POMC: variants seen among roughly 807,000 people sequenced by gnomAD.
The protein encoded by POMC is proopiomelanocortin.
In POMC, 19 loss-of-function variants were observed where a neutral mutation model predicts 18.5. That is an observed-to-expected ratio of 1.03 (90% CI 0.72 to 1.51). POMC has a LOEUF of 1.51. POMC is among the 40% of genes most tolerant of loss of function. POMC has a pLI of 0.00. For synonymous variants in POMC, 179 were observed against 161.9 expected (o/e 1.11, Z -0.80); for missense variants, 451 against 379.0 (o/e 1.19, Z -1.58).
rs1208606981 is a variant in POMC, at chr2:25,164,741, G to T, written c.32C>A (p.Ala11Asp). 1 of 1,613,984 alleles carries T rather than the reference G, an allele frequency of 6.2e-7. No homozygotes were observed. Among genetic ancestry groups the T allele is most frequent in the Non-Finnish European group, 8.5e-7 (1 of 1,180,038 alleles). Residue 11 changes from alanine to aspartate, a missense_variant, in exon 2 of 3, where the codon GCC becomes GAC. Physicochemically the swap from Ala to Asp is moderately radical, Grantham distance 126. Transcript: ENST00000395826. ...CTGAAGCAGCAAGGCCAGCAACAGG[G>T]CCCCCGAGCGGCTGCAGCACGATCT... The part of the protein sequence containing the change: MPRSCCSRSG[A>D]LLLALLLQAS...
Position 25,161,227 on chromosome 2 carries a change from G to C in POMC, c.658C>G (p.Pro220Ala). 1 of 1,611,750 alleles carries C rather than the reference G, an allele frequency of 6.2e-7. No individual in the cohort carries two copies. The change falls in exon 3 of 3, where the codon CCC becomes GCC. Residue 220 changes from proline to alanine, a missense_variant. Transcript: ENST00000395826. The surrounding 1 kb of genome is among the most constrained non-coding windows in gnomAD (Gnocchi z 5.7). ...CAGCGGAAGTGCTCCATCCTGTAGG[G>C]GCCCTCGTCCTTCTTCTCGGCCGCC... is the stretch of plus-strand genomic sequence containing the variant. ...LVAAEKKDEG[P>A]YRMEHFRWGS...
intron 2 of POMC, among the ~76,000 whole-genome samples, chr2:25,163,791 C>G (rs1322330966): frequency 6.6e-6 from 1 of 152,124 alleles, no homozygotes; most frequent in Non-Finnish European, 1.5e-5. Context: ...ATCTGGCTAA[C>G]TTTTTTATTT....
At position 25,160,970 on chromosome 2, in the gene POMC, G is replaced by T; in HGVS notation, c.*111C>A. 6.5e-7 allele frequency: 1 copy of T among 1,536,900 alleles called. No homozygotes were observed. The stretch of plus-strand genomic sequence containing the variant: ...TAACTACAGGCAGCTTTAAGAGGCT[G>T]ATTATCTGCCACGACCCCCCAGGCT... On this transcript the variant is annotated 3_prime_UTR_variant, in exon 3 of 3. Transcript: ENST00000395826.
intron 1 of POMC, among the ~76,000 whole-genome samples, chr2:25,167,956 C>A (rs1671612295): frequency 6.6e-6 from 1 of 152,096 alleles, no homozygotes; most frequent in Admixed American, 6.5e-5. Context: ...GAGTTTGAGA[C>A]CAGCCTGACC....
At chr2:25,165,922 T>C (rs184500955) in intron 1 of POMC, among the ~76,000 whole-genome samples, 85 of 152,356 alleles carry the variant, frequency 5.6e-4, no homozygotes, top group African/African-American at 1.9e-3. Flanking sequence ...AGAAATGTAA[T>C]TAGATGAGAA....
At chr2:25,164,846 G>T (rs546413064) in intron 1 of POMC, 54 bp from the exon 2 acceptor site, 158 of 1,596,988 alleles carry the variant, frequency 9.9e-5, no homozygotes, top group Non-Finnish European at 1.3e-4. Context: ...AACAATGTTG[G>T]CCACTCACCA....
At position 25,168,038 on chromosome 2, in the gene POMC, C is replaced by T. The variant is rs1031332872; in HGVS notation, c.-21+460G>A. On this transcript the variant is annotated intron_variant, in intron 1 of 2. Coordinates refer to ENST00000395826, the MANE Select transcript of POMC (RefSeq NM_000939.4). This position sits in a 1 kb window ranked among gnomAD's most constrained non-coding sequence, Gnocchi z 5.2. The stretch of plus-strand genomic sequence containing the variant: ...GCGTGGTGGCGCATGCCTGTAATCC[C>T]AGCTACTCGGGAGGCTGAAGCAGGA... 6.6e-6 allele frequency among the ~76,000 whole-genome samples: 1 copy of T among 152,114 alleles called. No individual in the cohort carries two copies. Among genetic ancestry groups the T allele is most frequent in the African/African-American group, 2.4e-5 (1 of 41,422 alleles).
At chr2:25,166,044 C>A (rs773224914) in intron 1 of POMC, among the ~76,000 whole-genome samples, 8 of 152,198 alleles carry the variant, frequency 5.3e-5, no homozygotes, top group Non-Finnish European at 7.3e-5. Flanking sequence ...GAGGCGTGGG[C>A]CAAATCTTTT....
chr2:25,161,161 T>C lies in POMC; in HGVS notation c.724A>G (p.Thr242Ala). ...PKDKRYGGFMTSEKSQTPLVT... is the reference protein window; with the variant it reads ...PKDKRYGGFMASEKSQTPLVT... Reference sequence around the variant, plus strand: ...AGGGGCGTCTGGCTCTTCTCGGAGGTCATGAAACCGCCGTAGCGCTTGTCC... The same window carrying C: ...AGGGGCGTCTGGCTCTTCTCGGAGGCCATGAAACCGCCGTAGCGCTTGTCC... Residue 242 changes from threonine (T) to alanine (A), a missense_variant, in exon 3 of 3, where the codon ACC becomes GCC. By Grantham distance (58) the Thr-to-Ala change is moderately conservative. Coordinates refer to ENST00000395826, the MANE Select transcript of POMC (RefSeq NM_000939.4). This position sits in a 1 kb window ranked among gnomAD's most constrained non-coding sequence, Gnocchi z 5.7. 2 of 1,613,698 alleles carry C rather than the reference T, an allele frequency of 1.2e-6. No homozygotes were observed. The highest frequency in any genetic ancestry group is 1.7e-6 in the Non-Finnish European group (2 of 1,179,944).
At position 25,160,907 on chromosome 2, in the gene POMC, G is replaced by A. The variant is rs1671323417; in HGVS notation, c.*174C>T. On this transcript the variant is annotated 3_prime_UTR_variant, in exon 3 of 3. Coordinates refer to ENST00000395826, the MANE Select transcript of POMC (RefSeq NM_000939.4). ...TTTATTCACACAGTTTACATTCAAA[G>A]TCAGAGGTGGATGTGAAATTTGAAA... 1 of 1,049,386 alleles carries A rather than the reference G, an allele frequency of 9.5e-7. No individual in the cohort carries two copies. Among genetic ancestry groups the A allele is most frequent in the Admixed American group, 2.9e-5 (1 of 34,860 alleles). The allele number at this position is 1,049,386 out of a possible 1,614,324, so 65.0% of individuals were successfully genotyped here. A position where few individuals can be genotyped will look rare whatever the true frequency, so the allele number is the denominator to read the frequency against.
intron 1 of POMC, among the ~76,000 whole-genome samples, chr2:25,165,421 A>T (rs1312043087): frequency 6.6e-6 from 1 of 152,214 alleles, no homozygotes; most frequent in Non-Finnish European, 1.5e-5. Flanking sequence ...GATGTCCTGC[A>T]CACAAATTAC....
intron 1 of POMC, among the ~76,000 whole-genome samples, chr2:25,166,061 A>C (rs1217399680): frequency 1.3e-5 from 2 of 152,254 alleles, no homozygotes; most frequent in African/African-American, 4.8e-5. Flanking sequence ...TTTTTTATAT[A>C]GGGGAGGCTT....
intron 1 of POMC, among the ~76,000 whole-genome samples, chr2:25,166,043 G>T (rs1172148575): frequency 1.3e-5 from 2 of 152,204 alleles, no homozygotes; most frequent in African/African-American, 4.8e-5. Context: ...GGAGGCGTGG[G>T]CCAAATCTTT....
At chr2:25,167,713 C>T (rs751929613) in intron 1 of POMC, among the ~76,000 whole-genome samples, 4 of 152,118 alleles carry the variant, frequency 2.6e-5, no homozygotes, top group Non-Finnish European at 5.9e-5. Context: ...GGTCTGAATC[C>T]GAAAAAATCC....
At chr2:25,167,099 G>C (rs1671581472) in intron 1 of POMC, among the ~76,000 whole-genome samples, 1 of 152,124 alleles carries the variant, frequency 6.6e-6, no homozygotes, top group Non-Finnish European at 1.5e-5. Context: ...AAATCATTTT[G>C]CTTGTTACTG....
intron 1 of POMC, among the ~76,000 whole-genome samples, chr2:25,167,867 G>C (rs1399539506): frequency 6.6e-6 from 1 of 152,158 alleles, no homozygotes; most frequent in African/African-American, 2.4e-5. Flanking sequence ...CTAAAAGACC[G>C]GGCTGGCCGG....
In POMC at chr2:25,168,022, C is replaced by T. The variant is rs1332934507; in HGVS notation, c.-21+476G>A. On this transcript the variant is annotated intron_variant, in intron 1 of 2. Coordinates refer to ENST00000395826, the MANE Select transcript of POMC (RefSeq NM_000939.4). The surrounding 1 kb of genome is among the most constrained non-coding windows in gnomAD (Gnocchi z 5.2). Reference sequence around the variant, plus strand: ...TACAAAAATTAGCCGGGCGTGGTGGCGCATGCCTGTAATCCCAGCTACTCG... The same window carrying T: ...TACAAAAATTAGCCGGGCGTGGTGGTGCATGCCTGTAATCCCAGCTACTCG... 1.3e-5 allele frequency among the ~76,000 whole-genome samples: 2 copies of T among 152,132 alleles called. No individual in the cohort carries two copies. The highest frequency in any genetic ancestry group is 4.8e-5 in the African/African-American group (2 of 41,446).
At chr2:25,167,586 G>A (rs887167272) in intron 1 of POMC, among the ~76,000 whole-genome samples, 4 of 152,008 alleles carry the variant, frequency 2.6e-5, no homozygotes, top group African/African-American at 9.7e-5. Context: ...ACCCCAGCTA[G>A]GTCTTGGAGA....
chr2:25,161,205 C>A lies in POMC; in HGVS notation c.680G>T (p.Arg227Leu). Residue 227 changes from arginine (R) to leucine (L), a missense_variant, in exon 3 of 3, where the codon CGC becomes CTC. Coordinates refer to ENST00000395826, the MANE Select transcript of POMC (RefSeq NM_000939.4). This position sits in a 1 kb window ranked among gnomAD's most constrained non-coding sequence, Gnocchi z 5.7. ...DEGPYRMEHFRWGSPPKDKRY... is the reference protein window; with the variant it reads ...DEGPYRMEHFLWGSPPKDKRY... ...CTTGTCCTTGGGCGGGCTGCCCCAG[C>A]GGAAGTGCTCCATCCTGTAGGGGCC... 1 of 1,613,558 alleles carries A rather than the reference C, an allele frequency of 6.2e-7. No homozygotes were observed. The highest frequency in any genetic ancestry group is 1.3e-5 in the African/African-American group (1 of 75,032).
Sources: allele counts gnomAD v4.1 joint callset (sites outside exome capture counted in the v4.1 genomes callset), GRCh38; gene constraint gnomAD v4.1.1; non-coding constraint Gnocchi (gnomAD v3.1); transcripts MANE v1.5; gene names NCBI Gene and HGNC (gene_info 2026-07-23, HGNC 2026-07-21).